LARGE1: variants seen among roughly 807,000 people sequenced by gnomAD.
LARGE1 encodes the protein xylosyl- and glucuronyltransferase LARGE1.
LARGE1 carries 43 observed loss-of-function variants against 87.6 expected under a neutral mutation model. The ratio of observed to expected loss-of-function variants is 0.49; its 90% CI spans 0.38 to 0.63. The LOEUF is 0.63. Among genes scored for constraint, LARGE1 ranks in the 30% least tolerant of loss-of-function variants. The pLI, the probability that LARGE1 is intolerant of heterozygous loss-of-function variation, is 0.00. For missense variants in LARGE1, 802 were observed against 1,000.2 expected (o/e 0.80, Z 2.67); for synonymous variants, 434 against 394.6 (o/e 1.10, Z -1.18).
chr22:33,352,163 G>T (rs1569085289), intron 9 of LARGE1, among the ~76,000 whole-genome samples: 1 of 152,126 alleles, frequency 6.6e-6, no homozygotes, highest in Admixed American at 6.5e-5. Flanking sequence ...GAGGAGGAGG[G>T]CACTTCACAT....
intron 2 of LARGE1, among the ~76,000 whole-genome samples, chr22:33,686,158 T>C (rs965709943): frequency 6.6e-6 from 1 of 152,146 alleles, no homozygotes; most frequent in Non-Finnish European, 1.5e-5. Context: ...TAGAGATATG[T>C]GGGTTGGGCT....
In LARGE1 at chr22:33,766,549, C is replaced by G. The variant is rs533346949; in HGVS notation, c.-82-4991G>C. On this transcript the variant is annotated intron_variant, in intron 1 of 14. Transcript: ENST00000397394. Reference sequence around the variant, plus strand: ...CACGCATTCTCCTGCCTCAGCCTCCCGAATAGCTGGGATTACAGGTGCCAG... The same window carrying G: ...CACGCATTCTCCTGCCTCAGCCTCCGGAATAGCTGGGATTACAGGTGCCAG... Among the ~76,000 whole-genome samples, 5 of 152,160 alleles carry G rather than the reference C, an allele frequency of 3.3e-5. No individual in the cohort carries two copies. The South Asian group carries it at 8.3e-4, about 25-fold the overall frequency.
chr22:33,722,215 T>C (rs544472246), intron 2 of LARGE1, among the ~76,000 whole-genome samples: 1 of 146,288 alleles, frequency 6.8e-6, no homozygotes, highest in East Asian at 2.1e-4. Flanking sequence ...ATCACGCCAC[T>C]GCCCTCTAGC....
intron 5 of LARGE1, among the ~76,000 whole-genome samples, chr22:33,577,152 C>T (rs983173437): frequency 2.0e-5 from 3 of 152,038 alleles, no homozygotes; most frequent in Admixed American, 6.6e-5. Context: ...TCTTAACAGA[C>T]ACAAAAGTTG....
intron 11 of LARGE1, among the ~76,000 whole-genome samples, chr22:33,241,711 C>T (rs2145688538): frequency 6.6e-6 from 1 of 151,860 alleles, no homozygotes; most frequent in South Asian, 2.1e-4. Flanking sequence ...CTTAAAAAGG[C>T]AGGGAATCCT....
intron 12 of LARGE1, among the ~76,000 whole-genome samples, chr22:33,286,542 T>A (rs1931569869): frequency 6.6e-6 from 1 of 152,082 alleles, no homozygotes; most frequent in South Asian, 2.1e-4. Context: ...ACAAGCAAAG[T>A]CTCTGCCCGC....
At position 33,562,042 on chromosome 22, in the gene LARGE1, C is replaced by T. The variant is rs58946764; in HGVS notation, c.787+2806G>A. Among the ~76,000 whole-genome samples, 458 of 152,330 alleles carry T rather than the reference C, an allele frequency of 3.0e-3. 3 individuals carry two copies. The highest frequency in any genetic ancestry group is 9.8e-3 in the African/African-American group (409 of 41,562). ...CAGGCCACATTGTATCAACATCACT[C>T]CAACCGTTTACAGTGAAGGATGTCA... On this transcript the variant is annotated intron_variant, in intron 6 of 14. Transcript: ENST00000397394.
rs779860216 is a variant in LARGE1, at chr22:33,597,735, C to T, written c.615+6700G>A. ...AATCATGAAACAGCCACTGCCCTGC[C>T]GCTTCCCTTCCTGAGCTCGGGATCA... On this transcript the variant is annotated intron_variant, in intron 5 of 14. Coordinates refer to ENST00000397394, the MANE Select transcript of LARGE1 (RefSeq NM_133642.5). 3.9e-5 allele frequency among the ~76,000 whole-genome samples: 6 copies of T among 152,180 alleles called. No individual in the cohort carries two copies. In the East Asian group the frequency reaches 5.8e-4, roughly 15 times the overall value.
At position 33,273,198 on chromosome 22, in the gene LARGE1, C is replaced by T. The variant is rs918504034; in HGVS notation, c.*1229G>A. 2 of 391,760 alleles carry T rather than the reference C, an allele frequency of 5.1e-6. No homozygotes were observed. The highest frequency in any genetic ancestry group is 9.0e-6 in the Non-Finnish European group (2 of 222,140). The allele number at this position is 391,760 out of a possible 1,614,324, so 24.3% of individuals were successfully genotyped here. ...ACTCTTGTTCTCATCAATGTAAACACAATATTAATATTGAAGATTAAAGAA... is the reference window on the plus strand; with the variant it reads ...ACTCTTGTTCTCATCAATGTAAACATAATATTAATATTGAAGATTAAAGAA... On this transcript the variant is annotated 3_prime_UTR_variant, in exon 15 of 15. Transcript: ENST00000397394.
At chr22:33,573,276 T>C (rs929463538) in intron 5 of LARGE1, among the ~76,000 whole-genome samples, 2 of 151,922 alleles carry the variant, frequency 1.3e-5, no homozygotes. Flanking sequence ...CCATCTCCAC[T>C]AAAAATACAA....
At chr22:33,184,991 T>C (rs1290304360) in intron 11 of LARGE1, among the ~76,000 whole-genome samples, 3 of 152,160 alleles carry the variant, frequency 2.0e-5, no homozygotes, top group South Asian at 2.1e-4. Flanking sequence ...CTTTGACAGT[T>C]TGATAGTTTC....
At chr22:33,817,149 G>C (rs1460052327) in intron 1 of LARGE1, among the ~76,000 whole-genome samples, 1 of 152,166 alleles carries the variant, frequency 6.6e-6, no homozygotes, top group Admixed American at 6.5e-5. Flanking sequence ...AGGCTCGGCA[G>C]TTTCCCTATG....
At chr22:33,500,914 A>C (rs1426401273) in intron 6 of LARGE1, among the ~76,000 whole-genome samples, 1 of 152,210 alleles carries the variant, frequency 6.6e-6, no homozygotes, top group African/African-American at 2.4e-5. Context: ...ATAGAAGATC[A>C]TTCACTCCCA....
chr22:33,559,655 G>A (rs756214951), intron 6 of LARGE1, among the ~76,000 whole-genome samples: 4 of 152,158 alleles, frequency 2.6e-5, no homozygotes, highest in Non-Finnish European at 4.4e-5. Context: ...GGAACTTTGC[G>A]AGGACACAAA....
chr22:33,159,538 G>C (rs929720477), downstream of LARGE1, among the ~76,000 whole-genome samples: 2 of 151,318 alleles, frequency 1.3e-5, no homozygotes, highest in African/African-American at 4.9e-5. Context: ...AGACTGATAG[G>C]TTTAAATGTA....
At chr22:33,513,076 G>A (rs1246893534) in intron 6 of LARGE1, among the ~76,000 whole-genome samples, 1 of 152,120 alleles carries the variant, frequency 6.6e-6, no homozygotes, top group African/African-American at 2.4e-5. Context: ...GGTTTTGCTG[G>A]TGAGACACAA....
At chr22:33,615,054 G>A (rs759592555) in intron 4 of LARGE1, among the ~76,000 whole-genome samples, 4 of 152,190 alleles carry the variant, frequency 2.6e-5, no homozygotes, top group Admixed American at 6.5e-5. Flanking sequence ...GGTGTCAGAC[G>A]CCCTTCTTAG....
Position 33,765,680 on chromosome 22 carries a change from G to A in LARGE1, c.-82-4122C>T, listed in dbSNP as rs150386099. Reference sequence around the variant, plus strand: ...AGATCATGCCATTGCACTCCAGCCTGGGCAACAAGAGCAAAACTCCATCTC... The same window carrying A: ...AGATCATGCCATTGCACTCCAGCCTAGGCAACAAGAGCAAAACTCCATCTC... On this transcript the variant is annotated intron_variant, in intron 1 of 14. Transcript: ENST00000397394. Among the ~76,000 whole-genome samples the A allele has an allele frequency of 4.6e-3, 615 of 132,832 alleles. 1 individual carries two copies. The highest frequency in any genetic ancestry group is 0.017 in the African/African-American group (560 of 33,280). 87.1% of individuals were successfully genotyped at this position (132,832 alleles called of 152,430 possible).
At chr22:33,237,906 G>A (rs1926332952) in intron 11 of LARGE1, among the ~76,000 whole-genome samples, 1 of 152,252 alleles carries the variant, frequency 6.6e-6, no homozygotes, top group African/African-American at 2.4e-5. Context: ...CGGGAGTACA[G>A]TATGGTAAAG....
Sources: allele counts gnomAD v4.1 joint callset (sites outside exome capture counted in the v4.1 genomes callset), GRCh38; gene constraint gnomAD v4.1.1; transcripts MANE v1.5; gene names NCBI Gene and HGNC (gene_info 2026-07-23, HGNC 2026-07-21).